MEF2C: variants seen among roughly 807,000 people sequenced by gnomAD.
MEF2C encodes myocyte enhancer factor 2C.
Under a neutral mutation model 50.5 loss-of-function variants are expected in MEF2C, and 6 were observed. The ratio of observed to expected loss-of-function variants is 0.12; its 90% CI spans 0.07 to 0.23. MEF2C has a LOEUF of 0.23. MEF2C is among the 10% of genes least tolerant of loss of function. The pLI, the probability that MEF2C is intolerant of heterozygous loss-of-function variation, is 1.00. For synonymous variants in MEF2C, 183 were observed against 228.0 expected, an observed-to-expected ratio of 0.80 and a Z score of 1.78; for missense variants, 276 against 605.0, an observed-to-expected ratio of 0.46 and a Z score of 5.70.
At chr5:88,733,461 T>C (rs1402735348) in intron 6 of MEF2C, 13 of 985,190 alleles carry the variant, frequency 1.3e-5, no homozygotes, top group Non-Finnish European at 1.3e-5. Flanking sequence ...GTCAGAAAGA[T>C]CTACTGGCAT....
intron 1 of MEF2C, among the ~76,000 whole-genome samples, chr5:88,862,922 C>T (rs1825977919): frequency 6.6e-6 from 1 of 152,202 alleles, no homozygotes; most frequent in Non-Finnish European, 1.5e-5. Context: ...CCCCCAATTT[C>T]CACAGAATCT....
intron 3 of MEF2C, chr5:88,780,628 G>C (rs952431618): frequency 2.5e-6 from 1 of 402,468 alleles, no homozygotes; most frequent in Non-Finnish European, 3.4e-6. Context: ...GGGAGCCAGG[G>C]CAAAGATACT....
chr5:88,847,385 T>C (rs1223853126), intron 1 of MEF2C, among the ~76,000 whole-genome samples: 8 of 152,210 alleles, frequency 5.3e-5, no homozygotes, highest in East Asian at 1.9e-4. Context: ...AATACCAATG[T>C]AGTCCTAGTT....
intron 1 of MEF2C, among the ~76,000 whole-genome samples, chr5:88,869,443 G>A (rs962757506): frequency 6.6e-6 from 1 of 150,966 alleles, no homozygotes; most frequent in African/African-American, 2.4e-5. Flanking sequence ...TGTTCTCCAA[G>A]TCAAAAATTA....
chr5:88,829,796 C>G (rs951940099), intron 1 of MEF2C, among the ~76,000 whole-genome samples: 1 of 151,984 alleles, frequency 6.6e-6, no homozygotes, highest in African/African-American at 2.4e-5. Context: ...TGACTCCAGA[C>G]TGATTATTTA....
chr5:88,783,622 C>T (rs1166457240), intron 3 of MEF2C, among the ~76,000 whole-genome samples: 1 of 151,992 alleles, frequency 6.6e-6, no homozygotes, highest in African/African-American at 2.4e-5. Context: ...AAGAGTGAAA[C>T]TCCATCTCAA....
At chr5:88,729,476 G>T in intron 8 of MEF2C, 129 bp from the exon 9 acceptor site, 1 of 863,774 alleles carries the variant, frequency 1.2e-6, no homozygotes, top group Non-Finnish European at 1.8e-6. Context: ...CATTTAACAT[G>T]TGTCTCTATG....
intron 1 of MEF2C, among the ~76,000 whole-genome samples, chr5:88,893,094 A>G (rs943317851): frequency 6.6e-6 from 1 of 152,190 alleles, no homozygotes; most frequent in African/African-American, 2.4e-5. Context: ...CCCACCTGAG[A>G]TGTTTATGAT....
At chr5:88,869,261 A>ATATATATATATATACG (rs1828460594) in intron 1 of MEF2C, among the ~76,000 whole-genome samples, 2 of 72,426 alleles carry the variant, frequency 2.8e-5, no homozygotes, top group South Asian at 8.3e-4. Context: ...TCATATATAT[A>ATATATATATATATACG]TATATATATA....
chr5:88,823,805 C>T lies in MEF2C; in HGVS notation c.-17G>A, dbSNP rs753574675. On this transcript the variant is annotated 5_prime_UTR_variant, in exon 2 of 11. Transcript: ENST00000504921. The stretch of plus-strand genomic sequence containing the variant: ...TCTCCCCATAGTCCCCGTTTTTCTT[C>T]TCTCTCTCGTCCCTGAAATTATGTA... 2 of 1,606,014 alleles carry T rather than the reference C, an allele frequency of 1.2e-6. No individual in the cohort carries two copies. The highest frequency in any genetic ancestry group is 1.7e-6 in the Non-Finnish European group (2 of 1,175,448).
At chr5:88,855,852 T>C (rs557838910) in intron 1 of MEF2C, among the ~76,000 whole-genome samples, 3 of 152,320 alleles carry the variant, frequency 2.0e-5, no homozygotes, top group South Asian at 2.1e-4. Context: ...TATTTCTTCA[T>C]AGCGGTGTGA....
intron 3 of MEF2C, among the ~76,000 whole-genome samples, chr5:88,789,473 ATT>A (rs879547333): frequency 7.0e-6 from 1 of 143,594 alleles, no homozygotes; most frequent in Non-Finnish European, 1.5e-5. Flanking sequence ...TGCTATAACT[ATT>A]TTTTTTTTTA....
intron 1 of MEF2C, among the ~76,000 whole-genome samples, chr5:88,869,280 TATATATATATATATAC>T (rs1561420326): frequency 0.048 from 3,535 of 73,614 alleles, 91 homozygotes; most frequent in South Asian, 0.063. Context: ...TATATATACA[TATATATATATATATAC>T]ACATATATAT....
intron 1 of MEF2C, among the ~76,000 whole-genome samples, chr5:88,901,923 T>C (rs371074198): frequency 1.3e-5 from 2 of 151,954 alleles, no homozygotes; most frequent in East Asian, 3.8e-4. Flanking sequence ...AGTAGCTTCA[T>C]TTATACTTAA....
chr5:88,737,973 G>A, intron 6 of MEF2C: 1 of 985,338 alleles, frequency 1.0e-6, no homozygotes, highest in Non-Finnish European at 1.2e-6. Flanking sequence ...AAAGGGGGTT[G>A]GACTGCTGTT....
At chr5:88,734,561 G>GTTTTT (rs1554103551) in intron 6 of MEF2C, 27 of 254,348 alleles carry the variant, frequency 1.1e-4, no homozygotes, top group African/African-American at 2.2e-4. Flanking sequence ...CTTGAGAAAA[G>GTTTTT]TTTGTTTTTT....
intron 1 of MEF2C, among the ~76,000 whole-genome samples, chr5:88,891,870 A>G (rs1834615712): frequency 6.6e-6 from 1 of 151,992 alleles, no homozygotes; most frequent in African/African-American, 2.4e-5. Context: ...TTTGTATTCT[A>G]TATATCTTAT....
intron 3 of MEF2C, among the ~76,000 whole-genome samples, chr5:88,782,928 TTA>T (rs1387691688): frequency 6.6e-6 from 1 of 152,258 alleles, no homozygotes; most frequent in Non-Finnish European, 1.5e-5. Context: ...GCCATCTTTC[TTA>T]TATCTTTTTA....
At chr5:88,902,211 A>C (rs994847764) in intron 1 of MEF2C, among the ~76,000 whole-genome samples, 8 of 151,910 alleles carry the variant, frequency 5.3e-5, no homozygotes, top group African/African-American at 1.9e-4. Flanking sequence ...TAAGAGACTA[A>C]TGAAGTTATT....
Sources: gnomAD v4.1 joint callset for allele counts (sites outside exome capture counted in the v4.1 genomes callset) on GRCh38, gnomAD v4.1.1 for gene constraint, MANE v1.5 for transcripts, NCBI Gene and HGNC (gene_info 2026-07-23, HGNC 2026-07-21) for gene names.